The following RARB variants were observed in gnomAD, a reference collection of about 807,000 sequenced individuals.
RARB encodes retinoic acid receptor beta, also known as HBV-activated protein.
RARB carries 17 observed loss-of-function variants against 51.9 expected under a neutral mutation model. That is an observed-to-expected ratio of 0.33 (90% CI 0.22 to 0.49). RARB has a LOEUF of 0.49. Among genes scored for constraint, RARB ranks in the 20% least tolerant of loss-of-function variants. The pLI is 0.99. For missense variants in RARB, 369 were observed against 550.8 expected, an observed-to-expected ratio of 0.67 and a Z score of 3.30; for synonymous variants, 215 against 195.4, an observed-to-expected ratio of 1.10 and a Z score of -0.84.
chr3:24,952,360 C>T (rs373250987), intron 2 of RARB, among the ~76,000 whole-genome samples: 1 of 152,084 alleles, frequency 6.6e-6, no homozygotes, highest in Non-Finnish European at 1.5e-5. Context: ...ATACCACCCA[C>T]CCAATGAAAT....
intron 2 of RARB, among the ~76,000 whole-genome samples, chr3:24,923,774 G>A (rs904329412): frequency 1.3e-5 from 2 of 152,150 alleles, no homozygotes; most frequent in Non-Finnish European, 2.9e-5. Context: ...AGTAGCTTAT[G>A]AAGCTTAAAG....
intron 2 of RARB, among the ~76,000 whole-genome samples, chr3:24,928,711 T>A (rs978794014): frequency 6.6e-6 from 1 of 152,048 alleles, no homozygotes; most frequent in Non-Finnish European, 1.5e-5. Context: ...CACAGACAGA[T>A]ACTTGGGGAT....
chr3:24,987,602 G>A (rs1263977631), intron 2 of RARB, among the ~76,000 whole-genome samples: 1 of 152,212 alleles, frequency 6.6e-6, no homozygotes, highest in Non-Finnish European at 1.5e-5. Flanking sequence ...TATCCCTCCT[G>A]AGGGACTGTT....
At position 25,428,557 on chromosome 3, in the gene RARB, A is replaced by T. The variant is rs1708073304; in HGVS notation, c.-175A>T. ...GTAAATGATCATTTGGATCAATTAC[A>T]GGCTTTTAGCTGGCTTGTCTGTCAT... On this transcript the variant is annotated 5_prime_UTR_variant, in exon 1 of 8. Transcript: ENST00000330688. The T allele has an allele frequency of 8.4e-6, 11 of 1,309,474 alleles. No individual in the cohort carries two copies. The highest frequency in any genetic ancestry group is 2.5e-5 in the South Asian group (1 of 39,598). 81.1% of individuals were successfully genotyped at this position (1,309,474 alleles called of 1,614,324 possible).
intron 3 of RARB, among the ~76,000 whole-genome samples, chr3:25,065,677 T>C (rs111248076): frequency 0.01 from 1,538 of 152,344 alleles, 34 homozygotes; most frequent in African/African-American, 0.035. Flanking sequence ...TTCAAATAAA[T>C]GTGTAGTTGA....
chr3:25,021,881 A>T (rs1442527202), intron 2 of RARB, among the ~76,000 whole-genome samples: 3 of 152,164 alleles, frequency 2.0e-5, no homozygotes, highest in Non-Finnish European at 4.4e-5. Flanking sequence ...GCTCTGAATT[A>T]CTGAGGCAGA....
intron 2 of RARB, among the ~76,000 whole-genome samples, chr3:24,925,267 C>T (rs1392173506): frequency 1.3e-5 from 2 of 151,930 alleles, no homozygotes; most frequent in African/African-American, 4.8e-5. Flanking sequence ...ACATACAAAT[C>T]CAGAAAATAT....
At chr3:25,424,342 ATG>A (rs1257231524), upstream of RARB, among the ~76,000 whole-genome samples, 2 of 152,170 alleles carry the variant, frequency 1.3e-5, no homozygotes, top group African/African-American at 2.4e-5. Flanking sequence ...CAAAGTTTCC[ATG>A]TGTTATTACT....
chr3:24,956,238 A>G (rs1275096376), intron 2 of RARB, among the ~76,000 whole-genome samples: 1 of 152,154 alleles, frequency 6.6e-6, no homozygotes, highest in Non-Finnish European at 1.5e-5. Context: ...GGAGGATGAG[A>G]GAAGGGGACA....
intron 3 of RARB, among the ~76,000 whole-genome samples, chr3:25,062,913 T>C (rs1559452206): frequency 6.6e-6 from 1 of 152,012 alleles, no homozygotes; most frequent in Non-Finnish European, 1.5e-5. Flanking sequence ...AGGTGAATTT[T>C]AGAGTATGTG....
intron 5 of RARB, chr3:25,324,529 C>G: frequency 6.2e-6 from 1 of 160,384 alleles, no homozygotes; most frequent in Non-Finnish European, 1.4e-5. Flanking sequence ...TCCAAGGACA[C>G]TATCAAGAAG....
chr3:25,484,010 A>G (rs1396480063), intron 2 of RARB, among the ~76,000 whole-genome samples: 2 of 152,210 alleles, frequency 1.3e-5, no homozygotes, highest in Non-Finnish European at 2.9e-5. Flanking sequence ...TTACAGAGCT[A>G]TAAAGTTATT....
At chr3:25,381,719 A>G (rs1706631062) in intron 5 of RARB, among the ~76,000 whole-genome samples, 1 of 152,234 alleles carries the variant, frequency 6.6e-6, no homozygotes. Context: ...GACCAGCAGC[A>G]TCAGCATTAC....
At chr3:25,113,801 A>C (rs1361062539) in intron 3 of RARB, among the ~76,000 whole-genome samples, 2 of 152,278 alleles carry the variant, frequency 1.3e-5, no homozygotes, top group East Asian at 1.9e-4. Flanking sequence ...AGTGACCACC[A>C]AGACAGGAGG....
chr3:25,452,218 C>G (rs575433500), intron 1 of RARB, among the ~76,000 whole-genome samples: 2 of 152,120 alleles, frequency 1.3e-5, no homozygotes, highest in Non-Finnish European at 2.9e-5. Flanking sequence ...TGATAGAAAA[C>G]GTGTTTAAAA....
At chr3:24,955,443 G>A (rs1197159846) in intron 2 of RARB, among the ~76,000 whole-genome samples, 1 of 152,120 alleles carries the variant, frequency 6.6e-6, no homozygotes, top group South Asian at 2.1e-4. Flanking sequence ...TAGGGCTGTG[G>A]TTTCCAGGTT....
At chr3:25,401,471 G>A (rs1273804159) in intron 5 of RARB, among the ~76,000 whole-genome samples, 1 of 152,046 alleles carries the variant, frequency 6.6e-6, no homozygotes, top group Non-Finnish European at 1.5e-5. Context: ...TAATAAAACA[G>A]ACCATAGGTG....
At chr3:24,962,494 C>A (rs2125412387) in intron 2 of RARB, among the ~76,000 whole-genome samples, 1 of 152,220 alleles carries the variant, frequency 6.6e-6, no homozygotes, top group African/African-American at 2.4e-5. Flanking sequence ...ATCAGAGGTC[C>A]CCAATCCCCG....
At chr3:25,468,555 T>TAA (rs59512048) in intron 2 of RARB, among the ~76,000 whole-genome samples, 2 of 150,960 alleles carry the variant, frequency 1.3e-5, no homozygotes, top group African/African-American at 2.4e-5. Flanking sequence ...CTTTTCCTGT[T>TAA]AAAAAAAACA....
Sources: gnomAD v4.1 joint callset for allele counts (sites outside exome capture counted in the v4.1 genomes callset) on GRCh38, gnomAD v4.1.1 for gene constraint, MANE v1.5 for transcripts, NCBI Gene and HGNC (gene_info 2026-07-23, HGNC 2026-07-21) for gene names.